Variants in CGNL1 observed in about 807,000 individuals in gnomAD.
CGNL1 encodes the protein cingulin like 1.
Under a neutral mutation model 141.2 loss-of-function variants are expected in CGNL1, and 132 were observed. The ratio of observed to expected loss-of-function variants is 0.93; its 90% confidence interval spans 0.81 to 1.08. The LOEUF (loss-of-function observed/expected upper bound fraction) is 1.08, where lower values mean the gene tolerates loss of function less well. Ranked by LOEUF, CGNL1 falls within the 50% of genes least tolerant of loss-of-function variation. CGNL1 has a pLI of 0.00. For synonymous variants in CGNL1, 690 were observed against 622.1 expected (o/e 1.11, Z -1.63); for missense variants, 1,870 against 1,588.6 (o/e 1.18, Z -3.01).
At chr15:57,389,662 T>G (rs138139604) in intron 1 of CGNL1, among the ~76,000 whole-genome samples, 1 of 152,188 alleles carries the variant, frequency 6.6e-6, no homozygotes, top group African/African-American at 2.4e-5. Flanking sequence ...GAATGATAAA[T>G]GGACTCAGAT....
intron 1 of CGNL1, among the ~76,000 whole-genome samples, chr15:57,426,675 T>G (rs1595691629): frequency 6.7e-6 from 1 of 149,990 alleles, no homozygotes; most frequent in Non-Finnish European, 1.5e-5. Context: ...CCCAGGCTGG[T>G]CTTGAACTCC....
intron 1 of CGNL1, among the ~76,000 whole-genome samples, chr15:57,414,324 C>G (rs1015640627): frequency 6.6e-6 from 1 of 152,168 alleles, no homozygotes; most frequent in East Asian, 1.9e-4. Flanking sequence ...AATGTCAGCC[C>G]CACAATAAGA....
chr15:57,423,220 GGCAACA>G (rs1314625933), intron 1 of CGNL1, among the ~76,000 whole-genome samples: 1 of 152,158 alleles, frequency 6.6e-6, no homozygotes, highest in African/African-American at 2.4e-5. Flanking sequence ...TCAGACAACA[GGCAACA>G]GCCAGAGGAA....
At position 57,453,663 on chromosome 15, in the gene CGNL1, T is replaced by G. The variant is rs764890001; in HGVS notation, c.2055-20T>G. ...GCAGAGCCCAGAAGAGCCTGTCTAATGGGCTTCCTTCCCTGCCAGGCTATT... is the reference window on the plus strand; with the variant it reads ...GCAGAGCCCAGAAGAGCCTGTCTAAGGGGCTTCCTTCCCTGCCAGGCTATT... On this transcript the variant is annotated intron_variant, in intron 6 of 18. Transcript: ENST00000281282. The G allele has an allele frequency of 6.2e-7, 1 of 1,613,122 alleles. No individual in the cohort carries two copies. Among genetic ancestry groups the G allele is most frequent in the Non-Finnish European group, 8.5e-7 (1 of 1,179,570 alleles).
intron 10 of CGNL1, among the ~76,000 whole-genome samples, chr15:57,520,884 C>T (rs1237827621): frequency 6.6e-6 from 1 of 152,180 alleles, no homozygotes; most frequent in Non-Finnish European, 1.5e-5. Context: ...CCCATAGGCT[C>T]ACCTGCAACT....
intron 8 of CGNL1, among the ~76,000 whole-genome samples, chr15:57,488,117 C>T (rs1423716340): frequency 6.6e-6 from 1 of 152,150 alleles, no homozygotes; most frequent in Non-Finnish European, 1.5e-5. Flanking sequence ...AATGGTATTT[C>T]ATCGTGGCTT....
chr15:57,521,033 T>C (rs1477458707), intron 10 of CGNL1, among the ~76,000 whole-genome samples: 1 of 152,204 alleles, frequency 6.6e-6, no homozygotes, highest in East Asian at 1.9e-4. Context: ...CAACCTGATA[T>C]ATTTTCCCTA....
chr15:57,444,830 T>G (rs1196644568), intron 4 of CGNL1, among the ~76,000 whole-genome samples: 1 of 152,180 alleles, frequency 6.6e-6, no homozygotes. Flanking sequence ...ATGTAAGAAG[T>G]TTCCATTTCG....
chr15:57,442,288 C>T (rs2063199242), intron 3 of CGNL1, 85 bp from the exon 4 acceptor site: 2 of 724,362 alleles, frequency 2.8e-6, no homozygotes, highest in Admixed American at 4.7e-5. Flanking sequence ...CTTAAAGGAC[C>T]TGTTGGGTGT....
intron 8 of CGNL1, among the ~76,000 whole-genome samples, chr15:57,462,115 C>T (rs1182179243): frequency 1.3e-5 from 2 of 152,162 alleles, no homozygotes; most frequent in Non-Finnish European, 2.9e-5. Context: ...TTGGTTAAAT[C>T]CTGTTGCAGA....
At position 57,453,700 on chromosome 15, in the gene CGNL1, TG is replaced by T; in HGVS notation, c.2074del (p.Glu692AsnfsTer37). ...CCTGCCAGGCTATTCCAGGTGAAGA[TG>T]GAACGGGAGCAGCATCAGACTGAGA... ...KNLEELFQVK[M>X]EREQHQTEIR... On this transcript the variant is annotated frameshift_variant, in exon 7 of 19. Coordinates refer to ENST00000281282, the MANE Select transcript of CGNL1 (RefSeq NM_032866.5). LOFTEE classifies it high-confidence loss of function. 1 of 1,613,816 alleles carries T rather than the reference TG, an allele frequency of 6.2e-7. No individual in the cohort carries two copies. The highest frequency in any genetic ancestry group is 8.5e-7 in the Non-Finnish European group (1 of 1,179,902).
At chr15:57,471,333 T>A (rs748756099) in intron 8 of CGNL1, among the ~76,000 whole-genome samples, 2 of 152,328 alleles carry the variant, frequency 1.3e-5, no homozygotes, top group South Asian at 2.1e-4. Flanking sequence ...GAAGAACTGA[T>A]GGAGAATTCC....
At chr15:57,490,950 G>A (rs1727823316) in intron 8 of CGNL1, among the ~76,000 whole-genome samples, 1 of 152,100 alleles carries the variant, frequency 6.6e-6, no homozygotes, top group African/African-American at 2.4e-5. Flanking sequence ...AATATACCTT[G>A]CGCAGTACTC....
chr15:57,449,279 C>T (rs2063293601), intron 4 of CGNL1, among the ~76,000 whole-genome samples: 1 of 152,130 alleles, frequency 6.6e-6, no homozygotes. Context: ...TTCTGTGGAC[C>T]TCTCTCCTCT....
chr15:57,400,364 T>C (rs2062646488), intron 1 of CGNL1, among the ~76,000 whole-genome samples: 1 of 152,220 alleles, frequency 6.6e-6, no homozygotes, highest in Non-Finnish European at 1.5e-5. Flanking sequence ...TAGCAGCTTA[T>C]GCTTTTGTTG....
intron 1 of CGNL1, among the ~76,000 whole-genome samples, chr15:57,418,012 G>C (rs531760061): frequency 4.6e-5 from 7 of 152,228 alleles, no homozygotes; most frequent in African/African-American, 1.7e-4. Context: ...TTTGGGGGTT[G>C]GTAGTAGAAG....
At chr15:57,484,526 C>T (rs1254666865) in intron 8 of CGNL1, among the ~76,000 whole-genome samples, 2 of 151,782 alleles carry the variant, frequency 1.3e-5, no homozygotes, top group Non-Finnish European at 2.9e-5. Context: ...TTTTTGTTAA[C>T]ATTTGATTAG....
At chr15:57,388,423 A>C (rs1023207121) in intron 1 of CGNL1, among the ~76,000 whole-genome samples, 2 of 152,206 alleles carry the variant, frequency 1.3e-5, no homozygotes, top group African/African-American at 4.8e-5. Flanking sequence ...GAGGTTGCCA[A>C]GGTGGGCAGT....
chr15:57,438,044 T>C lies in CGNL1; in HGVS notation c.45T>C (p.Tyr15=), dbSNP rs781292917. The change falls in exon 2 of 19, where the codon TAT becomes TAC. Residue 15 remains tyrosine, a synonymous_variant. Transcript: ENST00000281282. ...FGEYQHVQQE[Y]GVHLRLASDD... is the part of the protein sequence containing the mutation. ...AATATCAACATGTGCAGCAGGAATA[T>C]GGGGTCCATCTGAGACTCGCAAGTG... 3 of 1,613,778 alleles carry C rather than the reference T, an allele frequency of 1.9e-6. No individual in the cohort carries two copies. The highest frequency in any genetic ancestry group is 2.5e-6 in the Non-Finnish European group (3 of 1,180,012).
Sources: gnomAD v4.1 joint callset for allele counts (sites outside exome capture counted in the v4.1 genomes callset) on GRCh38, gnomAD v4.1.1 for gene constraint, MANE v1.5 for transcripts, NCBI Gene and HGNC (gene_info 2026-07-23, HGNC 2026-07-21) for gene names.